Variants in HDAC9 observed in about 807,000 individuals in gnomAD.
HDAC9 encodes the protein histone deacetylase 9.
HDAC9 carries 41 observed loss-of-function variants against 139.4 expected under a neutral mutation model. The observed-to-expected ratio is 0.29, with a 90% CI of 0.23 to 0.38. The LOEUF is 0.38. Ranked by LOEUF, HDAC9 falls within the 10% of genes least tolerant of loss-of-function variation. The pLI, the probability that HDAC9 is intolerant of heterozygous loss-of-function variation, is 1.00. For missense variants in HDAC9, 1,147 were observed against 1,297.0 expected (o/e 0.88, Z 1.78); for synonymous variants, 517 against 476.2 (o/e 1.09, Z -1.12).
intron 22 of HDAC9, among the ~76,000 whole-genome samples, chr7:18,879,868 A>G (rs748364916): frequency 6.6e-5 from 10 of 152,208 alleles, no homozygotes; most frequent in Admixed American, 1.3e-4. Flanking sequence ...AACAGGGTTA[A>G]CAGACAGCCT....
chr7:18,450,595 A>G (rs77656716), intron 1 of HDAC9, among the ~76,000 whole-genome samples: 2,629 of 152,292 alleles, frequency 0.017, 69 homozygotes, highest in African/African-American at 0.059. Flanking sequence ...TCTTAGCCAC[A>G]TGTGAACACA....
intron 1 of HDAC9, among the ~76,000 whole-genome samples, chr7:18,150,112 T>A (rs977905612): frequency 2.6e-5 from 4 of 151,364 alleles, no homozygotes; most frequent in Non-Finnish European, 1.5e-5. Flanking sequence ...AATATTTTAA[T>A]TCAAAGTCGG....
chr7:18,613,725 A>G (rs1584122970), intron 6 of HDAC9, among the ~76,000 whole-genome samples: 1 of 152,100 alleles, frequency 6.6e-6, no homozygotes, highest in African/African-American at 2.4e-5. Flanking sequence ...TGTTATAAAA[A>G]TGTGTATCAT....
Position 18,156,949 on chromosome 7 carries a change from G to A in HDAC9, c.-96-5280G>A, listed in dbSNP as rs186303100. Among the ~76,000 whole-genome samples the A allele has an allele frequency of 2.1e-3, 314 of 152,296 alleles. 1 individual carries two copies. Among genetic ancestry groups the A allele is most frequent in the South Asian group, 7.0e-3 (34 of 4,832 alleles). ...AAAAAAGTAAAAATGTTAGGTGGGC[G>A]TGGTGGCACACGCCTGTAGTCCCAG... On this transcript the variant is annotated intron_variant, in intron 1 of 12. Transcript: ENST00000417496.
chr7:18,290,378 A>C, upstream of HDAC9: 1 of 441,310 alleles, frequency 2.3e-6, no homozygotes. Flanking sequence ...GGGACTGATA[A>C]AATTAGCAAG....
At chr7:18,532,039 A>C (rs1312102557) in intron 2 of HDAC9, among the ~76,000 whole-genome samples, 1 of 152,200 alleles carries the variant, frequency 6.6e-6, no homozygotes, top group Non-Finnish European at 1.5e-5. Context: ...ACCTGAGGTC[A>C]GGAGTTTGAG....
chr7:18,408,477 C>T (rs892531629), intron 1 of HDAC9, among the ~76,000 whole-genome samples: 6 of 152,160 alleles, frequency 3.9e-5, no homozygotes, highest in Non-Finnish European at 8.8e-5. Context: ...TCTTAGGAGG[C>T]TAGTTCACAT....
intron 16 of HDAC9, among the ~76,000 whole-genome samples, chr7:18,779,813 T>C (rs1029613886): frequency 3.3e-5 from 5 of 151,948 alleles, no homozygotes; most frequent in African/African-American, 1.2e-4. Context: ...GATTTAAAGG[T>C]TCTCCAAAGC....
intron 21 of HDAC9, among the ~76,000 whole-genome samples, chr7:18,862,098 C>A (rs184087884): frequency 6.6e-6 from 1 of 152,206 alleles, no homozygotes; most frequent in Admixed American, 6.6e-5. Context: ...TTTGTTCTTG[C>A]AGTGAAATAG....
At chr7:18,260,636 A>T (rs1189096631) in intron 2 of HDAC9, 1 of 154,134 alleles carries the variant, frequency 6.5e-6, no homozygotes, top group Non-Finnish European at 1.5e-5. Context: ...ACTATTTAAA[A>T]CATTATTTCC....
chr7:18,156,749 T>G (rs781090274), intron 1 of HDAC9, among the ~76,000 whole-genome samples: 1 of 152,194 alleles, frequency 6.6e-6, no homozygotes, highest in Non-Finnish European at 1.5e-5. Flanking sequence ...TGGTACAAGA[T>G]ACAGTGGAAA....
intron 11 of HDAC9, among the ~76,000 whole-genome samples, chr7:18,662,562 G>T (rs756531063): frequency 3.7e-4 from 56 of 152,170 alleles, no homozygotes; most frequent in Non-Finnish European, 6.2e-4. Flanking sequence ...AAGCCAAGGG[G>T]TTGACTGAGA....
intron 1 of HDAC9, among the ~76,000 whole-genome samples, chr7:18,152,462 T>G (rs1182009984): frequency 1.3e-5 from 2 of 152,234 alleles, no homozygotes; most frequent in African/African-American, 4.8e-5. Context: ...ATGTTGTTTC[T>G]CTTGTGCTTC....
At chr7:18,697,346 G>C (rs1562860872) in intron 12 of HDAC9, among the ~76,000 whole-genome samples, 1 of 152,024 alleles carries the variant, frequency 6.6e-6, no homozygotes, top group Non-Finnish European at 1.5e-5. Flanking sequence ...GATCTTTGTA[G>C]AAAATTTGGC....
intron 19 of HDAC9, among the ~76,000 whole-genome samples, chr7:18,833,530 C>T (rs1181721342): frequency 6.6e-6 from 1 of 152,156 alleles, no homozygotes; most frequent in Non-Finnish European, 1.5e-5. Flanking sequence ...TCTAGATATC[C>T]AGTAACAAAC....
intron 2 of HDAC9, among the ~76,000 whole-genome samples, chr7:18,524,152 A>G (rs1806020517): frequency 6.6e-6 from 1 of 151,728 alleles, no homozygotes; most frequent in South Asian, 2.1e-4. Context: ...GCCTTGGCAT[A>G]CATTCATATC....
At chr7:18,675,980 A>G (rs182858224) in intron 12 of HDAC9, among the ~76,000 whole-genome samples, 1 of 152,176 alleles carries the variant, frequency 6.6e-6, no homozygotes, top group East Asian at 1.9e-4. Flanking sequence ...CTAGGTGTGA[A>G]TGATTAACAT....
intron 22 of HDAC9, among the ~76,000 whole-genome samples, chr7:18,882,611 C>T (rs1799816769): frequency 6.7e-6 from 1 of 149,876 alleles, no homozygotes; most frequent in South Asian, 2.1e-4. Flanking sequence ...ATGTTTCTCA[C>T]TAATTTTGTA....
At chr7:18,652,122 AT>A (rs1033829497) in intron 11 of HDAC9, among the ~76,000 whole-genome samples, 1 of 152,118 alleles carries the variant, frequency 6.6e-6, no homozygotes, top group Non-Finnish European at 1.5e-5. Flanking sequence ...TGGTATTAAT[AT>A]TTTTGTGCAA....
Sources: gnomAD v4.1 joint callset for allele counts (sites outside exome capture counted in the v4.1 genomes callset) on GRCh38, gnomAD v4.1.1 for gene constraint, MANE v1.5 for transcripts, NCBI Gene and HGNC (gene_info 2026-07-23, HGNC 2026-07-21) for gene names.